CCM2: variants seen among roughly 807,000 people sequenced by gnomAD.
The protein encoded by CCM2 is cerebral cavernous malformations 2 protein.
Under a neutral mutation model 44.9 loss-of-function variants are expected in CCM2, and 25 were observed. The ratio of observed to expected loss-of-function variants is 0.56; its 90% confidence interval spans 0.41 to 0.78. The LOEUF is 0.78. CCM2 is among the 30% of genes least tolerant of loss of function. The probability of loss-of-function intolerance (pLI) is 0.00; values close to 1 mark genes in which losing one functional copy is unlikely to be tolerated. For missense variants in CCM2, 481 were observed against 580.6 expected, an observed-to-expected ratio of 0.83 and a Z score of 1.76; for synonymous variants, 219 against 241.1, an observed-to-expected ratio of 0.91 and a Z score of 0.85.
At chr7:45,010,427 A>T (rs1052303631) in intron 1 of CCM2, among the ~76,000 whole-genome samples, 2 of 152,146 alleles carry the variant, frequency 1.3e-5, no homozygotes, top group African/African-American at 2.4e-5. Flanking sequence ...AGATGGATTC[A>T]TACAGTATAC....
chr7:45,028,861 A>C (rs1042648105), intron 1 of CCM2, among the ~76,000 whole-genome samples: 1 of 151,850 alleles, frequency 6.6e-6, no homozygotes, highest in African/African-American at 2.4e-5. Context: ...TCACATAGGC[A>C]GGGGTGCAAT....
chr7:45,038,191 A>G (rs1797315956), intron 1 of CCM2, 62 bp from the exon 2 acceptor site: 4 of 1,596,166 alleles, frequency 2.5e-6, no homozygotes, highest in Non-Finnish European at 2.6e-6. Context: ...TTTGTTAACC[A>G]TAGGTACAAC....
At chr7:45,031,536 G>A (rs574610454) in intron 1 of CCM2, among the ~76,000 whole-genome samples, 17 of 151,788 alleles carry the variant, frequency 1.1e-4, no homozygotes, top group Middle Eastern at 3.4e-3. Context: ...ATGCCACCAC[G>A]CTCAGCTTTT....
chr7:45,002,151 C>G (rs1396526733), intron 1 of CCM2, among the ~76,000 whole-genome samples: 2 of 152,208 alleles, frequency 1.3e-5, no homozygotes, highest in Admixed American at 1.3e-4. Context: ...TTAAATCATT[C>G]TCATTAAGGT....
chr7:45,040,102 G>GT (rs1369061265), intron 2 of CCM2, among the ~76,000 whole-genome samples: 1 of 150,022 alleles, frequency 6.7e-6, no homozygotes, highest in African/African-American at 2.4e-5. Context: ...AAAGATAAAA[G>GT]TAAAAAAAAA....
In CCM2 at chr7:45,069,809, G is replaced by A; in HGVS notation, c.610-17G>A. 1 of 1,613,890 alleles carries A rather than the reference G, an allele frequency of 6.2e-7. No individual in the cohort carries two copies. Among genetic ancestry groups the A allele is most frequent in the East Asian group, 2.2e-5 (1 of 44,892 alleles). On this transcript the variant is annotated splice_polypyrimidine_tract_variant and intron_variant, in intron 5 of 9. Transcript: ENST00000258781. ...CTCCAGCCAGACTGACCGAGCAGCTGCTGTCCCCCACTGCAGGTCGCTGCG... is the reference window on the plus strand; with the variant it reads ...CTCCAGCCAGACTGACCGAGCAGCTACTGTCCCCCACTGCAGGTCGCTGCG...
chr7:45,055,445 T>C (rs1238225601), intron 2 of CCM2, among the ~76,000 whole-genome samples: 1 of 152,132 alleles, frequency 6.6e-6, no homozygotes, highest in African/African-American at 2.4e-5. Flanking sequence ...TCCCAGCACT[T>C]TGGGAGGCTA....
chr7:45,001,981 C>G (rs1401096693), intron 1 of CCM2, among the ~76,000 whole-genome samples: 2 of 152,090 alleles, frequency 1.3e-5, no homozygotes, highest in Non-Finnish European at 2.9e-5. Flanking sequence ...TAGCTTGTTT[C>G]CTGTAGACAA....
chr7:45,058,750 T>A (rs892322588), intron 2 of CCM2, among the ~76,000 whole-genome samples: 1 of 152,156 alleles, frequency 6.6e-6, no homozygotes, highest in Admixed American at 6.5e-5. Flanking sequence ...ATGATTTTTC[T>A]TTAGCCAGTT....
intron 1 of CCM2, among the ~76,000 whole-genome samples, chr7:45,038,050 G>A (rs1797309345): frequency 6.6e-6 from 1 of 152,204 alleles, no homozygotes; most frequent in African/African-American, 2.4e-5. Context: ...TGGCAGCCCA[G>A]CCCCACCGTG....
At chr7:45,075,717 GA>G in intron 9 of CCM2, 59 bp from the exon 10 acceptor site, 1 of 1,609,694 alleles carries the variant, frequency 6.2e-7, no homozygotes, top group Non-Finnish European at 8.5e-7. Context: ...AGCCCTGAGA[GA>G]AGAGCTGAGT....
At chr7:45,057,686 C>T (rs1003335374) in intron 2 of CCM2, among the ~76,000 whole-genome samples, 4 of 152,190 alleles carry the variant, frequency 2.6e-5, no homozygotes, top group African/African-American at 9.7e-5. Flanking sequence ...AAAATGTTCA[C>T]TGATGACAGG....
chr7:44,999,843 C>CAG (rs1425989566), upstream of CCM2: 7 of 423,202 alleles, frequency 1.7e-5, no homozygotes, highest in Non-Finnish European at 2.4e-5. Flanking sequence ...GCGGAGCGAA[C>CAG]AGGGGGCTGG....
intron 1 of CCM2, among the ~76,000 whole-genome samples, chr7:45,006,589 C>A (rs760085575): frequency 2.6e-5 from 4 of 152,122 alleles, no homozygotes; most frequent in Non-Finnish European, 4.4e-5. Context: ...CGTGATCCAC[C>A]CACCTCGGCC....
intron 2 of CCM2, among the ~76,000 whole-genome samples, chr7:45,048,025 A>C (rs183647421): frequency 6.6e-6 from 1 of 152,362 alleles, no homozygotes; most frequent in African/African-American, 2.4e-5. Context: ...CTAAGTTGTA[A>C]GAAAAGAGAG....
At chr7:45,051,547 G>T (rs933256520) in intron 2 of CCM2, among the ~76,000 whole-genome samples, 1 of 151,460 alleles carries the variant, frequency 6.6e-6, no homozygotes, top group East Asian at 1.9e-4. Context: ...ACAGGCGCCC[G>T]TCACCACGCC....
At chr7:45,000,983 A>G (rs1044619480) in intron 1 of CCM2, among the ~76,000 whole-genome samples, 1 of 152,264 alleles carries the variant, frequency 6.6e-6, no homozygotes, top group Non-Finnish European at 1.5e-5. Context: ...TGGAAAAACG[A>G]TGTGGATTGA....
At chr7:45,050,028 A>G (rs1002246250) in intron 2 of CCM2, among the ~76,000 whole-genome samples, 16 of 152,276 alleles carry the variant, frequency 1.1e-4, no homozygotes, top group African/African-American at 3.9e-4. Context: ...GACCACACAT[A>G]TGACAATGGT....
chr7:45,070,207 T>C (rs1798995853), intron 6 of CCM2: 2 of 547,882 alleles, frequency 3.7e-6, no homozygotes, highest in East Asian at 6.5e-5. Flanking sequence ...TTGGGGTCTG[T>C]GAACACTTTT....
Sources: gnomAD v4.1 joint callset for allele counts (sites outside exome capture counted in the v4.1 genomes callset) on GRCh38, gnomAD v4.1.1 for gene constraint, MANE v1.5 for transcripts, NCBI Gene and HGNC (gene_info 2026-07-23, HGNC 2026-07-21) for gene names.